SMG6: variants seen among roughly 807,000 people sequenced by gnomAD.
SMG6 encodes the protein SMG6 nonsense mediated mRNA decay factor, also known as telomerase-binding protein EST1A.
SMG6 carries 66 observed loss-of-function variants against 142.2 expected under a neutral mutation model. The ratio of observed to expected loss-of-function variants is 0.46; its 90% confidence interval spans 0.38 to 0.57. SMG6 has a LOEUF of 0.57. Ranked by LOEUF, SMG6 falls within the 20% of genes least tolerant of loss-of-function variation. The pLI, the probability that SMG6 is intolerant of heterozygous loss-of-function variation, is 0.00. For synonymous variants in SMG6, 779 were observed against 702.4 expected (o/e 1.11, Z -1.72); for missense variants, 1,793 against 1,832.0 (o/e 0.98, Z 0.39).
At chr17:2,262,996 A>G (rs2074349285) in intron 8 of SMG6, among the ~76,000 whole-genome samples, 1 of 152,222 alleles carries the variant, frequency 6.6e-6, no homozygotes, top group Non-Finnish European at 1.5e-5. Flanking sequence ...GGCAACATAC[A>G]AAGGTATATA....
At chr17:2,128,368 T>G (rs2069975048) in intron 13 of SMG6, among the ~76,000 whole-genome samples, 1 of 152,228 alleles carries the variant, frequency 6.6e-6, no homozygotes, top group South Asian at 2.1e-4. Flanking sequence ...GTTCAACAGC[T>G]ACATGCGGCC....
Position 2,299,943 on chromosome 17 carries a change from TC to T in SMG6, c.809del (p.Gly270GlufsTer4). 6.2e-7 allele frequency: 1 copy of T among 1,614,130 alleles called. No individual in the cohort carries two copies. ...GACATCCATTATCCGTCAGGCCAGC[TC>T]CCTCAGCGCTGTTGTTGCTGCCAGC... is the stretch of plus-strand genomic sequence containing the variant. ...SSAGSNNSAE[G>X]AGLTDNGCRR... is the part of the protein sequence containing the mutation. On this transcript the variant is annotated frameshift_variant, in exon 2 of 19. Transcript: ENST00000263073. LOFTEE classifies it high-confidence loss of function. The surrounding 1 kb of genome is among the most constrained non-coding windows in gnomAD (Gnocchi z 4.3).
In SMG6 at chr17:2,236,528, T is replaced by C. The variant is rs541796631; in HGVS notation, c.2833A>G (p.Ile945Val). ...GSTRMLQLMT[I>V]NMFAVHNSQL... ...GAGTTGTGTACTGCAAACATATTGATGGTCATAAGCTGCAGCATGCGGGTA... is the reference window on the plus strand; with the variant it reads ...GAGTTGTGTACTGCAAACATATTGACGGTCATAAGCTGCAGCATGCGGGTA... Residue 945 changes from isoleucine to valine, a missense_variant, in exon 10 of 19, where the codon ATC becomes GTC. Coordinates refer to ENST00000263073, the MANE Select transcript of SMG6 (RefSeq NM_017575.5). 23 of 1,613,314 alleles carry C rather than the reference T, an allele frequency of 1.4e-5. No homozygotes were observed. Among genetic ancestry groups the C allele is most frequent in the Non-Finnish European group, 1.9e-5 (22 of 1,179,654 alleles).
chr17:2,130,636 A>C (rs1252312198), intron 13 of SMG6, among the ~76,000 whole-genome samples: 2 of 152,196 alleles, frequency 1.3e-5, no homozygotes, highest in Admixed American at 1.3e-4. Flanking sequence ...TTTAGAAGAA[A>C]AATATGTTGG....
At chr17:2,207,306 C>T (rs1042148871) in intron 10 of SMG6, among the ~76,000 whole-genome samples, 3 of 151,802 alleles carry the variant, frequency 2.0e-5, no homozygotes, top group South Asian at 2.1e-4. Flanking sequence ...ACACAACAAA[C>T]AAAAAACCCC....
At chr17:2,234,160 T>C (rs1399586496) in intron 10 of SMG6, among the ~76,000 whole-genome samples, 3 of 152,164 alleles carry the variant, frequency 2.0e-5, no homozygotes, top group Non-Finnish European at 4.4e-5. Flanking sequence ...CTAGAAAAAG[T>C]GCCTTGGCCT....
intron 8 of SMG6, among the ~76,000 whole-genome samples, chr17:2,261,313 C>CAA (rs58928595): frequency 7.4e-6 from 1 of 134,288 alleles, no homozygotes; most frequent in Non-Finnish European, 1.6e-5. Flanking sequence ...GACTCCGTCT[C>CAA]AAAAAAAAAA....
chr17:2,251,886 G>C (rs1244556382), intron 8 of SMG6, among the ~76,000 whole-genome samples: 2 of 151,972 alleles, frequency 1.3e-5, no homozygotes, highest in African/African-American at 4.8e-5. Context: ...CGGATCACCT[G>C]AGGTCGGGAG....
intron 13 of SMG6, among the ~76,000 whole-genome samples, chr17:2,166,214 C>G (rs1161929900): frequency 6.6e-6 from 1 of 151,286 alleles, no homozygotes; most frequent in East Asian, 2.0e-4. Flanking sequence ...ACTCCATCTC[C>G]AAAACAACAA....
In SMG6 at chr17:2,282,759, G is replaced by A; in HGVS notation, c.2549C>T (p.Thr850Ile). The A allele has an allele frequency of 6.2e-7, 1 of 1,614,202 alleles. No individual in the cohort carries two copies. The highest frequency in any genetic ancestry group is 1.3e-5 in the African/African-American group (1 of 75,056). ...KSTFRHVGDD[T>I]TRLEIWIHPS... ...ATGAATCCAGATCTCCAGGCGAGTG[G>A]TGTCATCTCCAACATGCCGGAAAGT... is the stretch of plus-strand genomic sequence containing the variant. Residue 850 changes from threonine (T) to isoleucine (I), a missense_variant, in exon 8 of 19, where the codon ACC becomes ATC. Transcript: ENST00000263073.
chr17:2,182,768 G>T (rs976027756), intron 12 of SMG6, among the ~76,000 whole-genome samples: 1 of 152,118 alleles, frequency 6.6e-6, no homozygotes, highest in Non-Finnish European at 1.5e-5. Context: ...GGAGATGCTT[G>T]TTCTGAAACA....
At chr17:2,139,609 C>T (rs558310264) in intron 13 of SMG6, among the ~76,000 whole-genome samples, 48 of 150,880 alleles carry the variant, frequency 3.2e-4, no homozygotes, top group African/African-American at 9.3e-4. Flanking sequence ...TTAGTAGAGA[C>T]GGGGTTTCGC....
chr17:2,170,866 T>C (rs1048429721), intron 13 of SMG6, among the ~76,000 whole-genome samples: 2 of 152,210 alleles, frequency 1.3e-5, no homozygotes, highest in African/African-American at 2.4e-5. Flanking sequence ...TTCTCTTGGT[T>C]CAATAAAGCA....
chr17:2,094,483 C>A (rs998935844), intron 13 of SMG6, among the ~76,000 whole-genome samples: 1 of 152,168 alleles, frequency 6.6e-6, no homozygotes, highest in Non-Finnish European at 1.5e-5. Flanking sequence ...AAGTGATCCA[C>A]CTGTCTCGGC....
intron 8 of SMG6, among the ~76,000 whole-genome samples, chr17:2,260,976 A>G (rs568744260): frequency 6.6e-6 from 1 of 150,394 alleles, no homozygotes; most frequent in South Asian, 2.1e-4. Context: ...AGCCTGGGCA[A>G]CAGGGCAAGA....
chr17:2,114,964 T>TAAAATAAA (rs58282463), intron 13 of SMG6, among the ~76,000 whole-genome samples: 103 of 59,568 alleles, frequency 1.7e-3, no homozygotes, highest in African/African-American at 3.6e-3. Context: ...AAAAATGAAA[T>TAAAATAAA]GAAATGAAAT....
At chr17:2,200,606 T>C (rs2072490451) in intron 10 of SMG6, among the ~76,000 whole-genome samples, 1 of 151,970 alleles carries the variant, frequency 6.6e-6, no homozygotes, top group African/African-American at 2.4e-5. Context: ...CCTCAAGTGA[T>C]CCTCCTGTCT....
chr17:2,241,635 C>T (rs1426157509), intron 9 of SMG6, among the ~76,000 whole-genome samples: 1 of 152,184 alleles, frequency 6.6e-6, no homozygotes, highest in African/African-American at 2.4e-5. Context: ...AGGCGATTCT[C>T]CCACCTTGGC....
At chr17:2,079,558 C>G (rs868126651) in intron 15 of SMG6, among the ~76,000 whole-genome samples, 55 of 151,026 alleles carry the variant, frequency 3.6e-4, no homozygotes, top group Middle Eastern at 3.4e-3. Context: ...ATCACTTGAA[C>G]CTGGGAGGTG....
Sources: allele counts gnomAD v4.1 joint callset (sites outside exome capture counted in the v4.1 genomes callset), GRCh38; gene constraint gnomAD v4.1.1; non-coding constraint Gnocchi (gnomAD v3.1); transcripts MANE v1.5; gene names NCBI Gene and HGNC (gene_info 2026-07-23, HGNC 2026-07-21).